Variants in XPR1 observed in about 807,000 individuals in gnomAD.
XPR1 encodes xenotropic and polytropic retrovirus receptor 1.
Under a neutral mutation model 87.5 loss-of-function variants are expected in XPR1, and 28 were observed. That is an observed-to-expected ratio of 0.32 (90% CI 0.24 to 0.44). The LOEUF is 0.44. XPR1 is among the 20% of genes least tolerant of loss of function. The pLI is 1.00. For synonymous variants in XPR1, 300 were observed against 306.1 expected, an observed-to-expected ratio of 0.98 and a Z score of 0.21; for missense variants, 559 against 862.3, an observed-to-expected ratio of 0.65 and a Z score of 4.41.
intron 11 of XPR1, among the ~76,000 whole-genome samples, chr1:180,849,156 T>A (rs1651784824): frequency 6.6e-6 from 1 of 152,200 alleles, no homozygotes; most frequent in Non-Finnish European, 1.5e-5. Flanking sequence ...CCTTTAGCTC[T>A]TTACATTCTA....
rs570894417 is a variant in XPR1, at chr1:180,724,690, A to C, written c.121+42279A>C. 1.2e-4 allele frequency among the ~76,000 whole-genome samples: 19 copies of C among 152,292 alleles called. No individual in the cohort carries two copies. In the South Asian group the frequency reaches 3.9e-3, roughly 32 times the overall value. Reference sequence around the variant, plus strand: ...GTGTTGCCACTCATTGAAGCACAACAATGACCAGATAAACGTTATTTAGCT... The same window carrying C: ...GTGTTGCCACTCATTGAAGCACAACCATGACCAGATAAACGTTATTTAGCT... On this transcript the variant is annotated intron_variant, in intron 2 of 14. Transcript: ENST00000367590.
intron 12 of XPR1, among the ~76,000 whole-genome samples, chr1:180,866,117 C>A (rs1652381044): frequency 6.6e-6 from 1 of 151,924 alleles, no homozygotes; most frequent in Non-Finnish European, 1.5e-5. Context: ...GATGCTGAGG[C>A]AGGAGGATCA....
At chr1:180,845,413 A>G (rs1197671266) in intron 11 of XPR1, among the ~76,000 whole-genome samples, 1 of 152,258 alleles carries the variant, frequency 6.6e-6, no homozygotes, top group Non-Finnish European at 1.5e-5. Flanking sequence ...CAATAGGAGA[A>G]TAGCTTACTT....
At chr1:180,659,843 T>C (rs1655704749) in intron 1 of XPR1, among the ~76,000 whole-genome samples, 2 of 151,950 alleles carry the variant, frequency 1.3e-5, no homozygotes, top group South Asian at 4.2e-4. Flanking sequence ...ATGGGGTCTT[T>C]TTCTGGTTTT....
chr1:180,672,097 G>A (rs1355658364), intron 1 of XPR1, among the ~76,000 whole-genome samples: 2 of 152,210 alleles, frequency 1.3e-5, no homozygotes, highest in African/African-American at 2.4e-5. Context: ...TAAAAGCCAT[G>A]TCAATAGATG....
intron 1 of XPR1, among the ~76,000 whole-genome samples, chr1:180,659,903 C>G (rs1655706892): frequency 6.6e-6 from 1 of 152,094 alleles, no homozygotes; most frequent in South Asian, 2.1e-4. Context: ...GAAGTATTCC[C>G]TCTTCCTCTA....
At chr1:180,881,318 C>T (rs1652847150) in intron 14 of XPR1, among the ~76,000 whole-genome samples, 1 of 152,144 alleles carries the variant, frequency 6.6e-6, no homozygotes, top group Admixed American at 6.5e-5. Flanking sequence ...CGTCCGCTAC[C>T]ACACGCAGCT....
intron 3 of XPR1, among the ~76,000 whole-genome samples, chr1:180,792,740 T>C (rs1351199556): frequency 2.0e-5 from 3 of 152,096 alleles, no homozygotes; most frequent in African/African-American, 7.2e-5. Flanking sequence ...AAAAATGGTA[T>C]CAATCATGAA....
chr1:180,671,186 A>G (rs1450633998), intron 1 of XPR1, among the ~76,000 whole-genome samples: 5 of 152,196 alleles, frequency 3.3e-5, no homozygotes, highest in Admixed American at 6.5e-5. Flanking sequence ...GCAGAGGAGT[A>G]TGGACTTTAT....
At chr1:180,764,193 A>AGT (rs1478442256) in intron 2 of XPR1, among the ~76,000 whole-genome samples, 1 of 152,180 alleles carries the variant, frequency 6.6e-6, no homozygotes, top group African/African-American at 2.4e-5. Flanking sequence ...CTGATTGTTC[A>AGT]GTGTACACAA....
At chr1:180,796,532 T>C (rs938333352) in intron 3 of XPR1, among the ~76,000 whole-genome samples, 17 of 152,160 alleles carry the variant, frequency 1.1e-4, no homozygotes, top group Admixed American at 7.9e-4. Flanking sequence ...CATTTCTATA[T>C]GGGAATGTAG....
chr1:180,782,555 G>A (rs908605951), intron 2 of XPR1, among the ~76,000 whole-genome samples: 4 of 151,994 alleles, frequency 2.6e-5, no homozygotes, highest in Non-Finnish European at 5.9e-5. Context: ...GAACATACGT[G>A]TGTGTTGGGC....
At chr1:180,645,627 A>G (rs1655096805) in intron 1 of XPR1, among the ~76,000 whole-genome samples, 1 of 152,180 alleles carries the variant, frequency 6.6e-6, no homozygotes, top group African/African-American at 2.4e-5. Flanking sequence ...CCAGTGATCT[A>G]CCTTTAGAAA....
chr1:180,873,221 T>G (rs1388491552), intron 12 of XPR1, among the ~76,000 whole-genome samples: 1 of 152,224 alleles, frequency 6.6e-6, no homozygotes, highest in African/African-American at 2.4e-5. Flanking sequence ...TCCTAAATCC[T>G]GGGTGCTAGT....
rs980650769 is a variant in XPR1, at chr1:180,885,179, G to A, written c.*1113G>A. On this transcript the variant is annotated 3_prime_UTR_variant, in exon 15 of 15. Coordinates refer to ENST00000367590, the MANE Select transcript of XPR1 (RefSeq NM_004736.4). ...CCTCACTAGATAGTTTTTCTTCTGGGTTCAACCACTTTAGCCAGAATTTGA... is the reference window on the plus strand; with the variant it reads ...CCTCACTAGATAGTTTTTCTTCTGGATTCAACCACTTTAGCCAGAATTTGA... The A allele has an allele frequency of 1.3e-5, 2 of 152,524 alleles. No individual in the cohort carries two copies. The highest frequency in any genetic ancestry group is 1.5e-5 in the Non-Finnish European group (1 of 68,016). 9.4% of individuals were successfully genotyped at this position (152,524 alleles called of 1,614,324 possible).
At chr1:180,705,278 G>C (rs1316864056) in intron 2 of XPR1, among the ~76,000 whole-genome samples, 2 of 152,164 alleles carry the variant, frequency 1.3e-5, no homozygotes, top group Non-Finnish European at 2.9e-5. Flanking sequence ...CGTGTTTCCT[G>C]ATGAGAAATT....
In XPR1 at chr1:180,682,355, A is replaced by G; in HGVS notation, c.70-5A>G. On this transcript the variant is annotated splice_region_variant and splice_polypyrimidine_tract_variant and intron_variant, in intron 1 of 14. Coordinates refer to ENST00000367590, the MANE Select transcript of XPR1 (RefSeq NM_004736.4). ...TCATATATTGTTTTTCTTTCTTTCT[A>G]ATAGGCTTTCAAGGATATGCTGTAT... The G allele has an allele frequency of 6.3e-7, 1 of 1,590,624 alleles. No individual in the cohort carries two copies. Among genetic ancestry groups the G allele is most frequent in the Middle Eastern group, 1.7e-4 (1 of 5,992 alleles).
rs1311234875 is a variant in XPR1 at position 180,782,019 on chromosome 1, TTCTCTC to T, written c.122-5727_122-5722del. Among the ~76,000 whole-genome samples the T allele has an allele frequency of 2.0e-5, 3 of 151,812 alleles. No individual in the cohort carries two copies. In the East Asian group the frequency reaches 5.8e-4, roughly 29 times the overall value. On this transcript the variant is annotated intron_variant, in intron 2 of 14. Coordinates refer to ENST00000367590, the MANE Select transcript of XPR1 (RefSeq NM_004736.4). ...AGATGACAAAGAAATCAGTCTCTCTTTCTCTCTCTCTCAGTGTAACTGTGTGTCTCT... is the reference window on the plus strand; with the variant it reads ...AGATGACAAAGAAATCAGTCTCTCTTTCTCTCAGTGTAACTGTGTGTCTCT...
At chr1:180,872,863 T>C (rs1480774881) in intron 12 of XPR1, among the ~76,000 whole-genome samples, 5 of 152,064 alleles carry the variant, frequency 3.3e-5, no homozygotes, top group African/African-American at 7.2e-5. Flanking sequence ...TTATTACACA[T>C]ATTAGTTTAA....
Sources: gnomAD v4.1 joint callset for allele counts (sites outside exome capture counted in the v4.1 genomes callset) on GRCh38, gnomAD v4.1.1 for gene constraint, MANE v1.5 for transcripts, NCBI Gene and HGNC (gene_info 2026-07-23, HGNC 2026-07-21) for gene names.